UGGT2: variants seen among roughly 807,000 people sequenced by gnomAD.
The protein encoded by UGGT2 is UDP-glucose glycoprotein glucosyltransferase 2.
In UGGT2, 180 loss-of-function variants were observed where a neutral mutation model predicts 192.1. The observed-to-expected ratio is 0.94, with a 90% CI of 0.83 to 1.06. UGGT2 has a LOEUF of 1.06. UGGT2 is among the 50% of genes least tolerant of loss of function. The pLI, the probability that UGGT2 is intolerant of heterozygous loss-of-function variation, is 0.00. For missense variants in UGGT2, 1,849 were observed against 1,795.7 expected (o/e 1.03, Z -0.54); for synonymous variants, 580 against 591.0 (o/e 0.98, Z 0.27).
chr13:95,807,867 T>C (rs1274969693), intron 38 of UGGT2, among the ~76,000 whole-genome samples: 1 of 152,192 alleles, frequency 6.6e-6, no homozygotes, highest in East Asian at 1.9e-4. Flanking sequence ...TTCATGGCTT[T>C]TTCTATAACA....
At chr13:95,814,273 T>C (rs1436729361) in intron 38 of UGGT2, among the ~76,000 whole-genome samples, 5 of 152,206 alleles carry the variant, frequency 3.3e-5, no homozygotes, top group Admixed American at 3.3e-4. Flanking sequence ...CACTCAACTC[T>C]AGCCTGTGAG....
At chr13:95,896,536 T>C (rs1177842395) in intron 22 of UGGT2, among the ~76,000 whole-genome samples, 2 of 152,112 alleles carry the variant, frequency 1.3e-5, no homozygotes, top group Admixed American at 6.6e-5. Context: ...TTATCTATAC[T>C]ACCTCTAGCG....
At chr13:95,976,081 C>G (rs2050928620) in intron 10 of UGGT2, among the ~76,000 whole-genome samples, 1 of 152,082 alleles carries the variant, frequency 6.6e-6, no homozygotes. Context: ...CACCCATTAA[C>G]CAACCCCTCC....
intron 10 of UGGT2, among the ~76,000 whole-genome samples, chr13:95,980,433 T>C (rs900575326): frequency 2.0e-5 from 3 of 151,506 alleles, no homozygotes; most frequent in Non-Finnish European, 2.9e-5. Context: ...AATGATACAT[T>C]GGACTTTGGG....
At chr13:95,975,491 T>C (rs189806859) in intron 10 of UGGT2, among the ~76,000 whole-genome samples, 1 of 152,348 alleles carries the variant, frequency 6.6e-6, no homozygotes, top group Admixed American at 6.5e-5. Flanking sequence ...GATTTCATAC[T>C]ATATTTATAG....
intron 2 of UGGT2, among the ~76,000 whole-genome samples, chr13:96,027,749 CAG>C (rs1308915899): frequency 9.2e-5 from 14 of 152,288 alleles, no homozygotes; most frequent in African/African-American, 3.4e-4. Flanking sequence ...AACCAAATAA[CAG>C]AGATATGAAA....
chr13:96,024,952 G>T (rs574228507), intron 2 of UGGT2, among the ~76,000 whole-genome samples: 28 of 152,276 alleles, frequency 1.8e-4, no homozygotes, highest in African/African-American at 6.5e-4. Context: ...AAAGTGCTGG[G>T]CCCTTGACCC....
intron 38 of UGGT2, 37 bp downstream of exon 38, chr13:95,832,890 C>A: frequency 6.2e-7 from 1 of 1,605,986 alleles, no homozygotes; most frequent in Non-Finnish European, 8.5e-7. Flanking sequence ...ATTAATGCAA[C>A]GCATGTTTCA....
chr13:95,989,072 T>C (rs1402190627), intron 8 of UGGT2, among the ~76,000 whole-genome samples: 1 of 152,076 alleles, frequency 6.6e-6, no homozygotes, highest in African/African-American at 2.4e-5. Context: ...TGACTGCTAA[T>C]GAGGGTGTTA....
At chr13:95,934,907 T>C (rs1291354066) in intron 17 of UGGT2, among the ~76,000 whole-genome samples, 4 of 152,198 alleles carry the variant, frequency 2.6e-5, no homozygotes, top group East Asian at 3.9e-4. Context: ...AGATTTTTCA[T>C]AGGTGTGGAA....
intron 31 of UGGT2, among the ~76,000 whole-genome samples, chr13:95,862,558 AG>A (rs1301356307): frequency 6.6e-6 from 1 of 152,100 alleles, no homozygotes; most frequent in African/African-American, 2.4e-5. Flanking sequence ...CACCAGTTCT[AG>A]AAGTAGGTAT....
At chr13:95,967,443 C>T (rs955206915) in intron 12 of UGGT2, among the ~76,000 whole-genome samples, 4 of 148,908 alleles carry the variant, frequency 2.7e-5, no homozygotes, top group African/African-American at 7.4e-5. Context: ...TGAGCCACCA[C>T]GCCCAGCCCC....
chr13:96,008,207 ATCT>A (rs1438891827), intron 5 of UGGT2, among the ~76,000 whole-genome samples: 32 of 152,188 alleles, frequency 2.1e-4, no homozygotes, highest in Admixed American at 2.1e-3. Context: ...CAAGCTAAAA[ATCT>A]TCTACACAGC....
At chr13:95,965,313 T>C (rs1328206909) in intron 12 of UGGT2, among the ~76,000 whole-genome samples, 1 of 146,156 alleles carries the variant, frequency 6.8e-6, no homozygotes, top group East Asian at 2.0e-4. Flanking sequence ...GCGGCACTAT[T>C]CACAATAGCA....
At chr13:95,910,424 G>A (rs1342775470) in intron 20 of UGGT2, among the ~76,000 whole-genome samples, 1 of 152,084 alleles carries the variant, frequency 6.6e-6, no homozygotes, top group Non-Finnish European at 1.5e-5. Flanking sequence ...AGAAAAAAGA[G>A]CAGGGGTTGC....
At chr13:95,845,919 G>A (rs892002835) in intron 36 of UGGT2, among the ~76,000 whole-genome samples, 1 of 151,644 alleles carries the variant, frequency 6.6e-6, no homozygotes, top group African/African-American at 2.4e-5. Context: ...GGGCCGGGGA[G>A]AGGGACTCCT....
At chr13:95,985,636 T>C (rs770688763) in intron 9 of UGGT2, among the ~76,000 whole-genome samples, 5 of 152,282 alleles carry the variant, frequency 3.3e-5, no homozygotes, top group South Asian at 4.1e-4. Flanking sequence ...CTCTTTAGTA[T>C]AAGCTAACTC....
chr13:95,927,945 G>A (rs1363060743), intron 17 of UGGT2, among the ~76,000 whole-genome samples: 1 of 152,162 alleles, frequency 6.6e-6, no homozygotes, highest in Non-Finnish European at 1.5e-5. Flanking sequence ...AACCCTTAGT[G>A]GACACAGCAC....
intron 36 of UGGT2, among the ~76,000 whole-genome samples, chr13:95,845,987 G>C (rs1408054756): frequency 6.6e-6 from 1 of 152,076 alleles, no homozygotes; most frequent in African/African-American, 2.4e-5. Flanking sequence ...ATGATGGGCG[G>C]CCAGGCAGAG....
Sources: allele counts gnomAD v4.1 joint callset (sites outside exome capture counted in the v4.1 genomes callset), GRCh38; gene constraint gnomAD v4.1.1; transcripts MANE v1.5; gene names NCBI Gene and HGNC (gene_info 2026-07-23, HGNC 2026-07-21).